SEC24D: variants seen among roughly 807,000 people sequenced by gnomAD.
SEC24D encodes protein transport protein Sec24D.
In SEC24D, 69 loss-of-function variants were observed where a neutral mutation model predicts 116.9. The observed-to-expected ratio is 0.59, with a 90% CI of 0.49 to 0.72. The LOEUF is 0.72. Among genes scored for constraint, SEC24D ranks in the 30% least tolerant of loss-of-function variants. The pLI, the probability that SEC24D is intolerant of heterozygous loss-of-function variation, is 0.00. For synonymous variants in SEC24D, 405 were observed against 442.8 expected, an observed-to-expected ratio of 0.91 and a Z score of 1.07; for missense variants, 1,131 against 1,264.1, an observed-to-expected ratio of 0.89 and a Z score of 1.60.
chr4:118,786,041 T>C (rs1039434852), intron 8 of SEC24D, among the ~76,000 whole-genome samples: 1 of 152,236 alleles, frequency 6.6e-6, no homozygotes, highest in African/African-American at 2.4e-5. Context: ...AGGGATGTTA[T>C]TGTAATTTTA....
intron 3 of SEC24D, among the ~76,000 whole-genome samples, chr4:118,821,047 TG>T (rs2110531378): frequency 6.6e-6 from 1 of 152,322 alleles, no homozygotes; most frequent in Admixed American, 6.5e-5. Context: ...TGCTGAAGTT[TG>T]TATGCGGAAT....
At chr4:118,819,359 G>A (rs1312545394) in intron 3 of SEC24D, among the ~76,000 whole-genome samples, 3 of 151,552 alleles carry the variant, frequency 2.0e-5, no homozygotes, top group Non-Finnish European at 2.9e-5. Context: ...GTGAAACCCC[G>A]TCTCTATTAA....
chr4:118,727,377 C>G (rs1321056616), intron 22 of SEC24D, among the ~76,000 whole-genome samples: 1 of 152,092 alleles, frequency 6.6e-6, no homozygotes, highest in Non-Finnish European at 1.5e-5. Flanking sequence ...GCTGACATAA[C>G]TTTGATAAGT....
chr4:118,816,347 TG>T (rs1730146586), intron 4 of SEC24D, among the ~76,000 whole-genome samples: 1 of 152,210 alleles, frequency 6.6e-6, no homozygotes, highest in Admixed American at 6.5e-5. Context: ...CATCTGTATC[TG>T]GTACAAATCT....
At chr4:118,806,644 A>T (rs920757940) in intron 6 of SEC24D, among the ~76,000 whole-genome samples, 1 of 128,642 alleles carries the variant, frequency 7.8e-6, no homozygotes, top group African/African-American at 2.9e-5. Flanking sequence ...GCATTTTCTT[A>T]AAAAAAAAAA....
At chr4:118,789,199 T>C (rs1728784971) in intron 8 of SEC24D, among the ~76,000 whole-genome samples, 1 of 152,234 alleles carries the variant, frequency 6.6e-6, no homozygotes, top group African/African-American at 2.4e-5. Flanking sequence ...CTTCATCATC[T>C]ATAAAAGTGG....
At chr4:118,835,717 G>C (rs895391676) in intron 1 of SEC24D, among the ~76,000 whole-genome samples, 1 of 152,182 alleles carries the variant, frequency 6.6e-6, no homozygotes, top group Admixed American at 6.5e-5. Flanking sequence ...GTGGGGGCGG[G>C]TAAAAAATGC....
At chr4:118,828,420 C>T (rs1174893455) in intron 2 of SEC24D, among the ~76,000 whole-genome samples, 1 of 152,126 alleles carries the variant, frequency 6.6e-6, no homozygotes, top group African/African-American at 2.4e-5. Flanking sequence ...TACATTAATA[C>T]TTCTTAACTC....
Position 118,732,955 on chromosome 4 carries a change from G to C in SEC24D, c.2497-43C>G, listed in dbSNP as rs771393655. ...TTGTTTCATACGCTTGATCTTTACT[G>C]AGAACAATTCCCTGAGCTTCATCTG... On this transcript the variant is annotated intron_variant, in intron 19 of 22. Transcript: ENST00000280551. 4 of 1,493,144 alleles carry C rather than the reference G, an allele frequency of 2.7e-6. No individual in the cohort carries two copies. The Admixed American group carries it at 6.8e-5, about 25-fold the overall frequency. The allele number at this position is 1,493,144 out of a possible 1,614,324, so 92.5% of individuals were successfully genotyped here.
intron 11 of SEC24D, among the ~76,000 whole-genome samples, 192 bp downstream of exon 11, chr4:118,757,529 T>G (rs995121126): frequency 1.3e-5 from 2 of 152,204 alleles, no homozygotes; most frequent in African/African-American, 4.8e-5. Context: ...TCAGTTTGTT[T>G]CTTTTGCTTT....
intron 8 of SEC24D, among the ~76,000 whole-genome samples, chr4:118,794,024 T>C (rs1729065849): frequency 6.6e-6 from 1 of 152,190 alleles, no homozygotes; most frequent in Admixed American, 6.5e-5. Context: ...TTTAATACTT[T>C]GGAAAGCACA....
At chr4:118,828,977 CTCATGTT>C (rs1730711458) in intron 2 of SEC24D, among the ~76,000 whole-genome samples, 1 of 152,236 alleles carries the variant, frequency 6.6e-6, no homozygotes, top group Admixed American at 6.5e-5. Flanking sequence ...CCAATTCTCA[CTCATGTT>C]TCAGGGCATT....
chr4:118,790,506 A>G (rs1450244925), intron 8 of SEC24D, among the ~76,000 whole-genome samples: 1 of 152,236 alleles, frequency 6.6e-6, no homozygotes, highest in Non-Finnish European at 1.5e-5. Context: ...AAGGGTTTAC[A>G]GCATAACCAA....
intron 8 of SEC24D, among the ~76,000 whole-genome samples, chr4:118,769,603 G>A (rs1727803256): frequency 6.6e-6 from 1 of 152,118 alleles, no homozygotes; most frequent in African/African-American, 2.4e-5. Context: ...CTGCCCAGAT[G>A]TTCAAAGTGA....
chr4:118,764,818 G>A lies in SEC24D; in HGVS notation c.1280C>T (p.Thr427Ile), dbSNP rs777710743. Residue 427 changes from threonine (T) to isoleucine (I), a missense_variant, in exon 10 of 23, where the codon ACT becomes ATT. By Grantham distance (89) the Thr-to-Ile change is moderately conservative. Coordinates refer to ENST00000280551, the MANE Select transcript of SEC24D (RefSeq NM_014822.4). ...LSLGSYEYVA[T>I]LDYCRKSKPP... The stretch of plus-strand genomic sequence containing the variant: ...AACACTTACTCTGCAATAATCCAAA[G>A]TGGCAACATATTCATAAGATCCTAG... 1 of 1,589,576 alleles carries A rather than the reference G, an allele frequency of 6.3e-7. No homozygotes were observed. Among genetic ancestry groups the A allele is most frequent in the Non-Finnish European group, 8.6e-7 (1 of 1,158,522 alleles).
At chr4:118,760,314 A>G (rs1578406819) in intron 10 of SEC24D, 1 of 151,910 alleles carries the variant, frequency 6.6e-6, no homozygotes, top group East Asian at 1.9e-4. Context: ...CCATTAAACA[A>G]CCTCTGTTTC....
chr4:118,750,665 AG>A (rs1726779677), intron 13 of SEC24D, among the ~76,000 whole-genome samples: 1 of 152,208 alleles, frequency 6.6e-6, no homozygotes, highest in South Asian at 2.1e-4. Context: ...GGAGGAGAGA[AG>A]AACAAAAACA....
chr4:118,824,880 A>G, intron 2 of SEC24D, 131 bp from the exon 3 acceptor site: 2 of 775,464 alleles, frequency 2.6e-6, no homozygotes, highest in East Asian at 5.7e-5. Context: ...ATCTCTTTCA[A>G]GCTTAACCAT....
At position 118,827,202 on chromosome 4, in the gene SEC24D, G is replaced by C. The variant is rs544440942; in HGVS notation, c.119-2453C>G. Among the ~76,000 whole-genome samples, 6 of 152,274 alleles carry C rather than the reference G, an allele frequency of 3.9e-5. No homozygotes were observed. The South Asian group carries it at 1.2e-3, about 32-fold the overall frequency. ...AGGGAAAGTAGCCAGAGTGGAAGCT[G>C]TCCAGGTTGGCTGGGGTCAGACTGC... is the stretch of plus-strand genomic sequence containing the variant. On this transcript the variant is annotated intron_variant, in intron 2 of 22. Coordinates refer to ENST00000280551, the MANE Select transcript of SEC24D (RefSeq NM_014822.4).
Sources: gnomAD v4.1 joint callset for allele counts (sites outside exome capture counted in the v4.1 genomes callset) on GRCh38, gnomAD v4.1.1 for gene constraint, MANE v1.5 for transcripts, NCBI Gene and HGNC (gene_info 2026-07-23, HGNC 2026-07-21) for gene names.